DEAF1: variants seen among roughly 807,000 people sequenced by gnomAD.
DEAF1 encodes deformed epidermal autoregulatory factor 1 homolog.
In DEAF1, 53 loss-of-function variants were observed where a neutral mutation model predicts 58.9. The ratio of observed to expected loss-of-function variants is 0.90; its 90% CI spans 0.72 to 1.13. The LOEUF is 1.13. DEAF1 is among the 50% of genes most tolerant of loss of function. The pLI, the probability that DEAF1 is intolerant of heterozygous loss-of-function variation, is 0.00. For missense variants in DEAF1, 685 were observed against 791.4 expected (o/e 0.87, Z 1.61); for synonymous variants, 385 against 340.4 (o/e 1.13, Z -1.44).
At chr11:706,162 C>CCCCGG (rs1187565683) in intron 1 of DEAF1, 2 of 152,186 alleles carry the variant, frequency 1.3e-5, no homozygotes, top group Admixed American at 6.6e-5. Context: ...CCCGGCCCCG[C>CCCCGG]CCCGGCCCGG....
chr11:699,905 A>C (rs907733557), upstream of DEAF1: 1 of 536,826 alleles, frequency 1.9e-6, no homozygotes, highest in African/African-American at 1.9e-5. Context: ...CAGTGCACAG[A>C]CCGCATTGTT....
At chr11:657,988 G>A (rs1337901975) in intron 10 of DEAF1, among the ~76,000 whole-genome samples, 4 of 152,192 alleles carry the variant, frequency 2.6e-5, no homozygotes, top group Non-Finnish European at 4.4e-5. Flanking sequence ...GACACCCAGC[G>A]ACGGTTTCTC....
At chr11:673,938 T>G (rs1859941166) in intron 10 of DEAF1, 1 of 169,824 alleles carries the variant, frequency 5.9e-6, no homozygotes, top group Non-Finnish European at 1.3e-5. Context: ...TCATATGAAG[T>G]AGAGACTCCA....
chr11:648,545 G>A (rs1003435952), intron 11 of DEAF1, among the ~76,000 whole-genome samples: 1 of 152,076 alleles, frequency 6.6e-6, no homozygotes, highest in South Asian at 2.1e-4. Flanking sequence ...AGGACAGGGT[G>A]TCCTGGGCTG....
At chr11:669,093 G>A (rs1401003749) in intron 10 of DEAF1, among the ~76,000 whole-genome samples, 1 of 150,024 alleles carries the variant, frequency 6.7e-6, no homozygotes, top group Non-Finnish European at 1.5e-5. Context: ...CCAAACTGCT[G>A]GGATTACAGG....
At chr11:685,230 T>C (rs1860542452) in intron 5 of DEAF1, among the ~76,000 whole-genome samples, 1 of 151,684 alleles carries the variant, frequency 6.6e-6, no homozygotes, top group South Asian at 2.1e-4. Flanking sequence ...GATTATAGGT[T>C]TGCACCACCA....
At chr11:648,268 C>T (rs1446142014) in intron 11 of DEAF1, among the ~76,000 whole-genome samples, 2 of 149,708 alleles carry the variant, frequency 1.3e-5, no homozygotes, top group Non-Finnish European at 2.9e-5. Flanking sequence ...GATCTCGGCT[C>T]ACTGCAAGCT....
At chr11:684,784 C>G in intron 6 of DEAF1, 114 bp downstream of exon 6, 3 of 895,228 alleles carry the variant, frequency 3.4e-6, no homozygotes, top group Non-Finnish European at 5.4e-6. Flanking sequence ...GACAGTGTCT[C>G]TCTCCAAGGC....
intron 4 of DEAF1, among the ~76,000 whole-genome samples, chr11:687,346 T>C (rs946980012): frequency 6.6e-6 from 1 of 152,232 alleles, no homozygotes; most frequent in East Asian, 1.9e-4. Context: ...CCCTCCTGCT[T>C]CTTCTCGCTT....
upstream of DEAF1, chr11:699,072 C>G (rs1861328836): frequency 1.4e-6 from 1 of 698,664 alleles, no homozygotes; most frequent in African/African-American, 1.8e-5. Context: ...TCTGCTGGCT[C>G]CATCCCCTAC....
rs1172997135 is a variant in DEAF1 at position 679,818 on chromosome 11, T to C, written c.998-2A>G. On this transcript the variant is annotated splice_acceptor_variant, in intron 7 of 11. Transcript: ENST00000382409. LOFTEE classifies it high-confidence loss of function. Reference sequence around the variant, plus strand: ...TCTGTCCCGAGGGGGTCACGGTGACTGGAAAGGCAGAAGCACATTTCACGC... The same window carrying C: ...TCTGTCCCGAGGGGGTCACGGTGACCGGAAAGGCAGAAGCACATTTCACGC... 1.9e-6 allele frequency: 3 copies of C among 1,613,112 alleles called. No individual in the cohort carries two copies. The highest frequency in any genetic ancestry group is 2.5e-6 in the Non-Finnish European group (3 of 1,180,010).
intron 10 of DEAF1, among the ~76,000 whole-genome samples, chr11:656,825 T>C (rs1288172150): frequency 6.6e-6 from 1 of 152,160 alleles, no homozygotes; most frequent in Non-Finnish European, 1.5e-5. Flanking sequence ...AGCTGGGACT[T>C]TCAACCACTT....
chr11:653,757 CAT>C (rs1858906853), intron 11 of DEAF1, among the ~76,000 whole-genome samples: 2 of 152,176 alleles, frequency 1.3e-5, no homozygotes, highest in Admixed American at 6.5e-5. Context: ...TGGGGCCTCA[CAT>C]GAGAGCACTA....
chr11:683,857 C>T (rs1306603297), intron 6 of DEAF1, among the ~76,000 whole-genome samples: 2 of 152,156 alleles, frequency 1.3e-5, no homozygotes, highest in Non-Finnish European at 2.9e-5. Flanking sequence ...CCTAGACTGA[C>T]ATCTAAGTAC....
chr11:694,976 AGCGGCCGCGGCCGCCACCGCCGCC>A lies in DEAF1; in HGVS notation c.48_71del (p.Ala17_Ala24del). ...CCGCGGCCGCGGCCGCCGCCGCCAC[AGCGGCCGCGGCCGCCACCGCCGCC>A]GCCTCAGCCAGGCCCAGCTGCTTTG... On this transcript the variant is annotated inframe_deletion, in exon 1 of 12. Coordinates refer to ENST00000382409, the MANE Select transcript of DEAF1 (RefSeq NM_021008.4). 9.9e-7 allele frequency: 1 copy of A among 1,013,196 alleles called. No individual in the cohort carries two copies. Among genetic ancestry groups the A allele is most frequent in the Non-Finnish European group, 1.2e-6 (1 of 831,816 alleles). The allele number at this position is 1,013,196 out of a possible 1,614,324, so 62.8% of individuals were successfully genotyped here. A position where few individuals can be genotyped will look rare whatever the true frequency, so the allele number is the denominator to read the frequency against.
chr11:659,048 TAA>T (rs1228744052), intron 10 of DEAF1, among the ~76,000 whole-genome samples: 1 of 152,202 alleles, frequency 6.6e-6, no homozygotes, highest in Non-Finnish European at 1.5e-5. Flanking sequence ...AAGAATAAGT[TAA>T]TAATGTATTC....
upstream of DEAF1, among the ~76,000 whole-genome samples, chr11:698,470 A>G (rs1861299479): frequency 6.6e-6 from 1 of 152,268 alleles, no homozygotes; most frequent in Non-Finnish European, 1.5e-5. Context: ...CCTAAGTCAG[A>G]AAAGGTTTTC....
In DEAF1 at chr11:691,531, C is replaced by T. The variant is rs371300797; in HGVS notation, c.357G>A (p.Ala119=). 6.8e-6 allele frequency: 11 copies of T among 1,613,392 alleles called. No individual in the cohort carries two copies. The East Asian group carries it at 8.9e-5, about 13-fold the overall frequency. ...CATGTCCTGAGATGGATGCCGCGTT[C>T]GCCACAGACGTGGTGAAGACATTGT... ...AADNVFTTSV[A]NAASISGHVL... The change falls in exon 2 of 12, where the codon GCG becomes GCA. Residue 119 remains alanine (A), a synonymous_variant. Transcript: ENST00000382409.
upstream of DEAF1, among the ~76,000 whole-genome samples, chr11:696,998 G>C (rs1861210574): frequency 7.2e-6 from 1 of 138,812 alleles, no homozygotes; most frequent in Non-Finnish European, 1.6e-5. Flanking sequence ...AGAATTGCTC[G>C]AACCCGGTGG....
Sources: gnomAD v4.1 joint callset for allele counts (sites outside exome capture counted in the v4.1 genomes callset) on GRCh38, gnomAD v4.1.1 for gene constraint, MANE v1.5 for transcripts, NCBI Gene and HGNC (gene_info 2026-07-23, HGNC 2026-07-21) for gene names.